CASP8: variants seen among roughly 807,000 people sequenced by gnomAD.
The protein encoded by CASP8 is caspase-8.
CASP8 carries 24 observed loss-of-function variants against 46.3 expected under a neutral mutation model. The ratio of observed to expected loss-of-function variants is 0.52; its 90% CI spans 0.38 to 0.73. The LOEUF (loss-of-function observed/expected upper bound fraction) is 0.73. CASP8 is among the 30% of genes least tolerant of loss of function. The probability of loss-of-function intolerance (pLI) is 0.00; values close to 1 mark genes in which losing one functional copy is unlikely to be tolerated. For synonymous variants in CASP8, 188 were observed against 200.4 expected (o/e 0.94, Z 0.52); for missense variants, 460 against 559.0 (o/e 0.82, Z 1.79).
chr2:201,273,596 A>G (rs1208528106), intron 5 of CASP8, among the ~76,000 whole-genome samples: 1 of 151,712 alleles, frequency 6.6e-6, no homozygotes, highest in Non-Finnish European at 1.5e-5. Context: ...ACTTCCTTTC[A>G]CTTTTTCTAC....
Position 201,284,841 on chromosome 2 carries a change from G to T in CASP8, c.828G>T (p.Glu276Asp). Residue 276 changes from glutamate (E) to aspartate (D), a missense_variant, in exon 8 of 9, where the codon GAG becomes GAT. Glu to Asp is a conservative substitution (Grantham distance 45). Coordinates refer to ENST00000673742, the MANE Select transcript of CASP8 (RefSeq NM_001372051.1). ...GGGCTTTGACCACGACCTTTGAAGA[G>T]CTTCATTTTGAGATCAAGCCCCACG... ...DAGALTTTFEELHFEIKPHDD... is the reference protein window; with the variant it reads ...DAGALTTTFEDLHFEIKPHDD... 6.2e-7 allele frequency: 1 copy of T among 1,614,112 alleles called. No homozygotes were observed.
chr2:201,258,305 C>G (rs34210251), upstream of CASP8: 249 of 1,614,088 alleles, frequency 1.5e-4, 1 homozygote, highest in Middle Eastern at 1.6e-3. Flanking sequence ...TTTCCCACCC[C>G]CTTCCCTGCT....
At chr2:201,250,752 C>A (rs1946742440) in intron 2 of CASP8, among the ~76,000 whole-genome samples, 1 of 152,244 alleles carries the variant, frequency 6.6e-6, no homozygotes, top group Non-Finnish European at 1.5e-5. Context: ...TTTGTGGTAG[C>A]ACGTCCTGAA....
At chr2:201,267,069 G>A (rs187860576) in intron 2 of CASP8, among the ~76,000 whole-genome samples, 51 of 152,152 alleles carry the variant, frequency 3.4e-4, no homozygotes, top group Admixed American at 2.3e-3. Flanking sequence ...ATGTCCCACC[G>A]GAGCCAGATT....
chr2:201,285,251 G>C lies in CASP8; in HGVS notation c.1238G>C (p.Arg413Pro), dbSNP rs1301592633. The C allele has an allele frequency of 6.2e-7, 1 of 1,614,126 alleles. No individual in the cohort carries two copies. The highest frequency in any genetic ancestry group is 1.1e-5 in the South Asian group (1 of 91,076). The change falls in exon 8 of 9, where the codon CGA becomes CCA. Residue 413 changes from arginine (R) to proline (P), a missense_variant. Physicochemically the swap from Arg to Pro is moderately radical, Grantham distance 103. Coordinates refer to ENST00000673742, the MANE Select transcript of CASP8 (RefSeq NM_001372051.1). ...MATVNNCVSY[R>P]NPAEGTWYIQ... ...ACTGTGAATAACTGTGTTTCCTACC[G>C]AAACCCTGCAGAGGGAACCTGGTAC... is the stretch of plus-strand genomic sequence containing the variant.
chr2:201,244,371 A>G (rs1260400649), intron 2 of CASP8, among the ~76,000 whole-genome samples: 2 of 152,360 alleles, frequency 1.3e-5, no homozygotes, highest in African/African-American at 4.8e-5. Flanking sequence ...TGGAAGTCAC[A>G]CAGTCTATTC....
At chr2:201,258,485 G>A, upstream of CASP8, 2 of 1,379,894 alleles carry the variant, frequency 1.4e-6, no homozygotes, top group Non-Finnish European at 2.1e-6. Context: ...GAAGCAACTT[G>A]GATCTGCCCT....
In CASP8 at chr2:201,286,922, G is replaced by T; in HGVS notation, c.*328G>T. On this transcript the variant is annotated 3_prime_UTR_variant, in exon 9 of 9. Transcript: ENST00000673742. ...GCGTGAGCCACCGCGCCTGGCCGAT[G>T]GTACTATTTAGATATAACACTATGT... 1 of 328,988 alleles carries T rather than the reference G, an allele frequency of 3.0e-6. No individual in the cohort carries two copies. The highest frequency in any genetic ancestry group is 2.7e-5 in the South Asian group (1 of 36,580). The allele number at this position is 328,988 out of a possible 1,614,324, so 20.4% of individuals were successfully genotyped here. A position where few individuals can be genotyped will look rare whatever the true frequency, so the allele number is the denominator to read the frequency against.
At chr2:201,275,902 A>T (rs1948601157) in intron 6 of CASP8, among the ~76,000 whole-genome samples, 1 of 152,182 alleles carries the variant, frequency 6.6e-6, no homozygotes. Context: ...TATCTCAGTA[A>T]ATACACTTAA....
At chr2:201,280,838 T>G (rs182210788) in intron 7 of CASP8, among the ~76,000 whole-genome samples, 2 of 152,288 alleles carry the variant, frequency 1.3e-5, no homozygotes, top group African/African-American at 4.8e-5. Flanking sequence ...ACAAGTAGCC[T>G]GAAAATGTTG....
upstream of CASP8, chr2:201,258,118 G>A: frequency 4.9e-6 from 6 of 1,215,870 alleles, no homozygotes; most frequent in Non-Finnish European, 6.1e-6. Context: ...TCGGAGACCA[G>A]ATTCTGCCTT....
chr2:201,249,321 G>T (rs781595650), intron 2 of CASP8, among the ~76,000 whole-genome samples: 13 of 152,146 alleles, frequency 8.5e-5, no homozygotes, highest in Non-Finnish European at 1.3e-4. Flanking sequence ...CTATAAAGAC[G>T]ATCCTTTTTT....
intron 7 of CASP8, among the ~76,000 whole-genome samples, chr2:201,278,563 G>C (rs1270204567): frequency 6.7e-6 from 1 of 149,556 alleles, no homozygotes; most frequent in Non-Finnish European, 1.5e-5. Context: ...TTGAGGCAGA[G>C]TCTCACTCTG....
intron 8 of CASP8, 35 bp downstream of exon 8, chr2:201,285,352 C>G (rs771714764): frequency 3.1e-6 from 5 of 1,609,242 alleles, no homozygotes; most frequent in Non-Finnish European, 3.4e-6. Context: ...CTCACTGTTA[C>G]ACTACCTTCC....
chr2:201,258,167 T>A, upstream of CASP8: 1 of 1,572,140 alleles, frequency 6.4e-7, no homozygotes, highest in South Asian at 1.1e-5. Flanking sequence ...TCTCCTCCTT[T>A]TATCTTTTGT....
At chr2:201,276,333 T>G (rs1278746568) in intron 6 of CASP8, among the ~76,000 whole-genome samples, 1 of 152,150 alleles carries the variant, frequency 6.6e-6, no homozygotes, top group Non-Finnish European at 1.5e-5. Context: ...GACCACACTG[T>G]GCAATGCATG....
rs17860433 is a variant in CASP8, at chr2:201,287,023, A to G, written c.*429A>G. ...TTTATAAGAGCTAAAGTTAAATAGG[A>G]TATTAACAACAATAACACTGTCTCC... On this transcript the variant is annotated 3_prime_UTR_variant, in exon 9 of 9. Coordinates refer to ENST00000673742, the MANE Select transcript of CASP8 (RefSeq NM_001372051.1). 0.039 allele frequency: 8,563 copies of G among 221,302 alleles called. 262 individuals carry two copies. Among genetic ancestry groups the G allele is most frequent in the South Asian group, 0.074 (1,158 of 15,724 alleles). The allele number at this position is 221,302 out of a possible 1,614,324, so 13.7% of individuals were successfully genotyped here.
In CASP8 at chr2:201,281,955, T is replaced by A. The variant is rs982246367; in HGVS notation, c.803-2861T>A. On this transcript the variant is annotated intron_variant, in intron 7 of 8. Coordinates refer to ENST00000673742, the MANE Select transcript of CASP8 (RefSeq NM_001372051.1). Reference sequence around the variant, plus strand: ...ATTCTTTTTTTTTTTTTTTTTTTTTTATTGATCATTCTTGGGTGTTTCTCG... The same window carrying A: ...ATTCTTTTTTTTTTTTTTTTTTTTTAATTGATCATTCTTGGGTGTTTCTCG... 378 of 157,932 alleles carry A rather than the reference T, an allele frequency of 2.4e-3. 18 individuals carry two copies. Among genetic ancestry groups the A allele is most frequent in the Non-Finnish European group, 3.2e-3 (332 of 102,796 alleles). 9.8% of individuals were successfully genotyped at this position (157,932 alleles called of 1,614,324 possible).
intron 2 of CASP8, among the ~76,000 whole-genome samples, chr2:201,247,397 C>CCTTCCTT (rs1559332975): frequency 1.3e-5 from 2 of 151,814 alleles, no homozygotes; most frequent in African/African-American, 2.4e-5. Context: ...GCTGAAGGCG[C>CCTTCCTT]CTTCCTTCTG....
Sources: allele counts gnomAD v4.1 joint callset (sites outside exome capture counted in the v4.1 genomes callset), GRCh38; gene constraint gnomAD v4.1.1; transcripts MANE v1.5; gene names NCBI Gene and HGNC (gene_info 2026-07-23, HGNC 2026-07-21).